Variants in TBC1D30 observed in about 807,000 individuals in gnomAD.
TBC1D30 encodes the protein TBC1 domain family, member 30.
TBC1D30 carries 31 observed loss-of-function variants against 63.2 expected under a neutral mutation model. The observed-to-expected ratio is 0.49, with a 90% CI of 0.37 to 0.66. The LOEUF (loss-of-function observed/expected upper bound fraction) is 0.66. Ranked by LOEUF, TBC1D30 falls within the 30% of genes least tolerant of loss-of-function variation. The pLI is 0.00. For missense variants in TBC1D30, 810 were observed against 953.6 expected, an observed-to-expected ratio of 0.85 and a Z score of 1.98; for synonymous variants, 307 against 361.5, an observed-to-expected ratio of 0.85 and a Z score of 1.71.
Position 64,875,671 on chromosome 12 carries a change from T to G in TBC1D30, c.2169T>G (p.Thr723=), listed in dbSNP as rs1271147932. Residue 723 remains threonine, a synonymous_variant, in exon 12 of 12, where the codon ACT becomes ACG. Transcript: ENST00000539867. ...PSVKPLRKSA[T]ARNLGLYGPT... is the part of the protein sequence containing the mutation. ...TCAAGCCCCTGCGGAAATCTGCTAC[T>G]GCCAGGAACTTGGGATTATATGGCC... The G allele has an allele frequency of 1.3e-6, 2 of 1,536,474 alleles. No homozygotes were observed. Among genetic ancestry groups the G allele is most frequent in the Middle Eastern group, 1.7e-4 (1 of 5,992 alleles).
chr12:64,798,249 TA>T (rs1266540927), intron 2 of TBC1D30, among the ~76,000 whole-genome samples: 1 of 152,180 alleles, frequency 6.6e-6, no homozygotes, highest in East Asian at 1.9e-4. Context: ...GAGAAGCAAA[TA>T]AAAAATTACA....
chr12:64,841,094 G>A (rs1875828997), intron 7 of TBC1D30, among the ~76,000 whole-genome samples: 1 of 152,140 alleles, frequency 6.6e-6, no homozygotes, highest in African/African-American at 2.4e-5. Flanking sequence ...GCAGAACTGG[G>A]ACTTCAATAT....
chr12:64,779,482 T>C (rs1307728175), upstream of TBC1D30, among the ~76,000 whole-genome samples: 2 of 152,092 alleles, frequency 1.3e-5, no homozygotes, highest in Non-Finnish European at 2.9e-5. Context: ...TCTGCTTGTC[T>C]CATATTAACT....
intron 2 of TBC1D30, among the ~76,000 whole-genome samples, chr12:64,787,066 T>C (rs1021770973): frequency 5.9e-5 from 9 of 152,246 alleles, no homozygotes; most frequent in African/African-American, 2.2e-4. Context: ...ATTAAATAAT[T>C]GATTTAAAGA....
intron 10 of TBC1D30, chr12:64,868,659 A>C (rs1472686813): frequency 6.4e-6 from 2 of 313,488 alleles, no homozygotes; most frequent in Non-Finnish European, 1.2e-5. Context: ...GGCTTCTGGC[A>C]TAGCAGGAAC....
intron 7 of TBC1D30, among the ~76,000 whole-genome samples, chr12:64,841,616 C>T (rs938694029): frequency 6.6e-6 from 1 of 152,190 alleles, no homozygotes; most frequent in African/African-American, 2.4e-5. Context: ...CACTGGCTTC[C>T]TCTGGTCCTG....
chr12:64,834,560 C>T (rs1002934615), intron 5 of TBC1D30, among the ~76,000 whole-genome samples: 4 of 151,854 alleles, frequency 2.6e-5, no homozygotes, highest in Non-Finnish European at 4.4e-5. Flanking sequence ...GTATACACCA[C>T]CACGCCCAGC....
intron 1 of TBC1D30, among the ~76,000 whole-genome samples, chr12:64,771,431 A>G (rs1870903209): frequency 6.6e-6 from 1 of 152,148 alleles, no homozygotes; most frequent in African/African-American, 2.4e-5. Context: ...TCCTGGATCT[A>G]CCAAGTCATT....
At chr12:64,820,273 G>C (rs1873812405), upstream of TBC1D30, among the ~76,000 whole-genome samples, 1 of 152,092 alleles carries the variant, frequency 6.6e-6, no homozygotes, top group African/African-American at 2.4e-5. Flanking sequence ...TTTTCTTACT[G>C]ACTTCTTCCC....
chr12:64,819,675 A>G (rs546077398), upstream of TBC1D30, among the ~76,000 whole-genome samples: 269 of 152,010 alleles, frequency 1.8e-3, 3 homozygotes, highest in Non-Finnish European at 5.0e-4. Flanking sequence ...GAGCCACTGC[A>G]CTCGGCCTTG....
At position 64,833,655 on chromosome 12, in the gene TBC1D30, G is replaced by A. The variant is rs76077052; in HGVS notation, c.594+1351G>A. 3.0e-3 allele frequency among the ~76,000 whole-genome samples: 451 copies of A among 152,290 alleles called. 1 individual carries two copies. The highest frequency in any genetic ancestry group is 0.01 in the African/African-American group (432 of 41,564). On this transcript the variant is annotated intron_variant, in intron 5 of 11. Coordinates refer to ENST00000539867, the MANE Select transcript of TBC1D30 (RefSeq NM_015279.2). ...TCCTCTTGGTTTTATACAAATGATG[G>A]TGGACTAGTTATAAATCCAGCTTGA...
intron 8 of TBC1D30, among the ~76,000 whole-genome samples, chr12:64,859,161 G>A (rs1441272042): frequency 1.3e-5 from 2 of 151,924 alleles, no homozygotes; most frequent in African/African-American, 2.4e-5. Flanking sequence ...AGGCTCTGGT[G>A]CAGAGTGGAG....
intron 1 of TBC1D30, chr12:64,825,284 C>T (rs1281037198): frequency 4.5e-6 from 2 of 448,392 alleles, no homozygotes; most frequent in Non-Finnish European, 7.7e-6. Flanking sequence ...TCCCCGCGGA[C>T]CCCCACCCTG....
upstream of TBC1D30, among the ~76,000 whole-genome samples, chr12:64,777,486 C>T (rs1373764741): frequency 2.0e-5 from 3 of 152,172 alleles, no homozygotes; most frequent in Non-Finnish European, 4.4e-5. Flanking sequence ...AGGGCCAAAT[C>T]AGGAATGAAC....
chr12:64,778,904 G>A (rs184319124), upstream of TBC1D30, among the ~76,000 whole-genome samples: 9 of 152,220 alleles, frequency 5.9e-5, no homozygotes, highest in East Asian at 1.5e-3. Flanking sequence ...CATTCCATAA[G>A]TACAATGATC....
chr12:64,801,161 C>G (rs1432856292), intron 2 of TBC1D30, among the ~76,000 whole-genome samples: 2 of 152,158 alleles, frequency 1.3e-5, no homozygotes, highest in Non-Finnish European at 2.9e-5. Context: ...CTCTCCCTGC[C>G]CATTAGACAT....
intron 2 of TBC1D30, among the ~76,000 whole-genome samples, chr12:64,798,793 G>A (rs577748825): frequency 2.4e-3 from 354 of 150,376 alleles, no homozygotes; most frequent in Non-Finnish European, 3.7e-3. Context: ...AGGCTGGTCT[G>A]GCTTCAGGCA....
At chr12:64,870,829 A>C in intron 11 of TBC1D30, 21 bp downstream of exon 11, 1 of 1,534,998 alleles carries the variant, frequency 6.5e-7, no homozygotes, top group South Asian at 1.2e-5. Flanking sequence ...TCTTCATTTG[A>C]ATCAATTTCA....
At chr12:64,783,000 G>A (rs1022970213) in intron 1 of TBC1D30, among the ~76,000 whole-genome samples, 6 of 152,162 alleles carry the variant, frequency 3.9e-5, no homozygotes, top group Admixed American at 1.3e-4. Context: ...AGCTGTCTGC[G>A]TAAAGAATGC....
Sources: gnomAD v4.1 joint callset for allele counts (sites outside exome capture counted in the v4.1 genomes callset) on GRCh38, gnomAD v4.1.1 for gene constraint, MANE v1.5 for transcripts, NCBI Gene and HGNC (gene_info 2026-07-23, HGNC 2026-07-21) for gene names.